The following AKR1C8 variants were observed in gnomAD, a reference collection of about 807,000 sequenced individuals.
The protein encoded by AKR1C8 is aldo-keto reductase family 1 member C-like protein 1.
At chr10:5,141,710 T>C in the AKR1C8 span, among the ~76,000 whole-genome samples, 1 of 152,176 alleles carries the variant, frequency 6.6e-6, no homozygotes. Context: ...AACAGTAATA[T>C]TTTGAAAGGA....
chr10:5,118,714 TAG>T, the AKR1C8 span, among the ~76,000 whole-genome samples: 6 of 152,296 alleles, frequency 3.9e-5, no homozygotes, highest in East Asian at 1.2e-3. Context: ...CTGGCATTAA[TAG>T]AGTTGTATGT....
At chr10:5,144,687 A>G in the AKR1C8 span, among the ~76,000 whole-genome samples, 104 of 152,256 alleles carry the variant, frequency 6.8e-4, no homozygotes, top group African/African-American at 2.4e-3. Flanking sequence ...TTATTGGTGT[A>G]TAAGAATGCT....
the AKR1C8 span, among the ~76,000 whole-genome samples, chr10:5,171,271 G>A: frequency 3.9e-5 from 6 of 151,950 alleles, no homozygotes; most frequent in African/African-American, 1.4e-4. Context: ...ATTGCTTATG[G>A]ATAACAAAAA....
the AKR1C8 span, chr10:5,163,035 TA>T: frequency 1.9e-6 from 1 of 524,890 alleles, no homozygotes; most frequent in Non-Finnish European, 3.9e-6. Flanking sequence ...AAGACAGGAG[TA>T]AAGAGTTGTT....
At chr10:5,154,083 C>A in the AKR1C8 span, 1 of 454,720 alleles carries the variant, frequency 2.2e-6, no homozygotes, top group Non-Finnish European at 4.6e-6. Context: ...ATACTGAAAT[C>A]CTCTCTCTGT....
the AKR1C8 span, among the ~76,000 whole-genome samples, chr10:5,153,921 C>CT: frequency 2.0e-5 from 3 of 152,070 alleles, no homozygotes; most frequent in Admixed American, 1.3e-4. Context: ...AATTACAGGT[C>CT]TTTTTTTGTA....
the AKR1C8 span, among the ~76,000 whole-genome samples, chr10:5,172,037 C>G: frequency 1.3e-5 from 2 of 152,132 alleles, no homozygotes; most frequent in South Asian, 4.1e-4. Context: ...TAATTCTGTA[C>G]TAGGTGTAGA....
chr10:5,173,722 T>C, the AKR1C8 span, among the ~76,000 whole-genome samples: 1 of 152,140 alleles, frequency 6.6e-6, no homozygotes, highest in Non-Finnish European at 1.5e-5. Flanking sequence ...TAAGCATCAC[T>C]GTTTATATTC....
the AKR1C8 span, chr10:5,155,840 G>A: frequency 2.5e-6 from 1 of 399,682 alleles, no homozygotes; most frequent in Non-Finnish European, 5.2e-6. Context: ...CCAGGAGGCA[G>A]AGGCAAGGAT....
chr10:5,117,211 C>A, the AKR1C8 span, among the ~76,000 whole-genome samples: 1 of 151,792 alleles, frequency 6.6e-6, no homozygotes. Flanking sequence ...TTTAATTCAC[C>A]GCTTAACCAC....
At chr10:5,172,453 G>C in the AKR1C8 span, among the ~76,000 whole-genome samples, 1 of 151,920 alleles carries the variant, frequency 6.6e-6, no homozygotes, top group Admixed American at 6.6e-5. Flanking sequence ...ACTGCCTAAG[G>C]CCACAAGATT....
the AKR1C8 span, among the ~76,000 whole-genome samples, chr10:5,150,256 A>G: frequency 6.6e-6 from 1 of 152,046 alleles, no homozygotes; most frequent in Non-Finnish European, 1.5e-5. Flanking sequence ...AGAGGTGATT[A>G]TAAGTTGCTT....
At chr10:5,170,772 G>A in the AKR1C8 span, among the ~76,000 whole-genome samples, 1 of 151,962 alleles carries the variant, frequency 6.6e-6, no homozygotes, top group Non-Finnish European at 1.5e-5. Context: ...TCAAAGCCTT[G>A]GTAAAATAAC....
the AKR1C8 span, among the ~76,000 whole-genome samples, chr10:5,158,273 C>G: frequency 6.6e-6 from 1 of 152,234 alleles, no homozygotes; most frequent in South Asian, 2.1e-4. Context: ...AGTTTGTATA[C>G]CACATTAGGG....
the AKR1C8 span, among the ~76,000 whole-genome samples, chr10:5,180,416 G>T: frequency 6.6e-6 from 1 of 152,230 alleles, no homozygotes; most frequent in East Asian, 1.9e-4. Context: ...GGCTGCTCGG[G>T]GGTTAGGGGT....
chr10:5,159,179 T>C, the AKR1C8 span, among the ~76,000 whole-genome samples: 11 of 152,100 alleles, frequency 7.2e-5, no homozygotes, highest in Non-Finnish European at 1.5e-4. Flanking sequence ...ATCAAAAAAA[T>C]AGTAATTATG....
At chr10:5,184,612 A>C in the AKR1C8 span, among the ~76,000 whole-genome samples, 1 of 152,210 alleles carries the variant, frequency 6.6e-6, no homozygotes, top group Non-Finnish European at 1.5e-5. Flanking sequence ...GCAAAAGATG[A>C]GAACAGTCTG....
chr10:5,172,082 G>T, the AKR1C8 span, among the ~76,000 whole-genome samples: 1 of 152,048 alleles, frequency 6.6e-6, no homozygotes, highest in Non-Finnish European at 1.5e-5. Flanking sequence ...GATAAGGTTT[G>T]ACTTATTCCA....
chr10:5,162,109 A>G, the AKR1C8 span: 1 of 384,954 alleles, frequency 2.6e-6, no homozygotes, highest in East Asian at 7.1e-5. Flanking sequence ...GACTAAACAT[A>G]TGTTACTCAG....
Sources: allele counts gnomAD v4.1 joint callset (sites outside exome capture counted in the v4.1 genomes callset), GRCh38; gene constraint gnomAD v4.1.1; transcripts MANE v1.5; gene names NCBI Gene and HGNC (gene_info 2026-07-23, HGNC 2026-07-21).